The following POLR3G variants were observed in gnomAD, a reference collection of about 807,000 sequenced individuals.
POLR3G encodes the protein DNA-directed RNA polymerase III subunit RPC7.
In POLR3G, 28 loss-of-function variants were observed where a neutral mutation model predicts 30.1. That is an observed-to-expected ratio of 0.93 (90% CI 0.69 to 1.27). The LOEUF (loss-of-function observed/expected upper bound fraction) is 1.27, where lower values mean the gene tolerates loss of function less well. Among genes scored for constraint, POLR3G ranks in the 50% most tolerant of loss-of-function variants. The probability of loss-of-function intolerance (pLI) is 0.00; values close to 1 mark genes in which losing one functional copy is unlikely to be tolerated. For missense variants in POLR3G, 254 were observed against 264.6 expected (o/e 0.96, Z 0.28); for synonymous variants, 79 against 82.5 (o/e 0.96, Z 0.23).
chr5:90,487,926 C>G (rs1751528512), intron 2 of POLR3G, 74 bp from the exon 3 acceptor site: 1 of 1,274,394 alleles, frequency 7.8e-7, no homozygotes, highest in African/African-American at 1.5e-5. Context: ...CTGCTGTTTT[C>G]TATAATACAG....
chr5:90,474,266 G>C (rs767214645), upstream of POLR3G: 2 of 1,613,378 alleles, frequency 1.2e-6, no homozygotes, highest in Admixed American at 1.7e-5. Flanking sequence ...CTAGAGACTT[G>C]TGGGCGTACC....
rs986729960 is a variant in POLR3G at position 90,485,560 on chromosome 5, T to C, written c.-8T>C. 9 of 1,603,154 alleles carry C rather than the reference T, an allele frequency of 5.6e-6. No individual in the cohort carries two copies. The highest frequency in any genetic ancestry group is 7.7e-6 in the Non-Finnish European group (9 of 1,171,640). On this transcript the variant is annotated 5_prime_UTR_variant, in exon 2 of 8. Transcript: ENST00000651687. ...AATTTGCCCACTCATCTGGTATAAC[T>C]GGTTCTGATGGCTGGGAATAAAGGA...
chr5:90,510,688 A>C (rs1300004693), intron 7 of POLR3G, among the ~76,000 whole-genome samples: 1 of 152,162 alleles, frequency 6.6e-6, no homozygotes, highest in East Asian at 1.9e-4. Context: ...TTTTTTTGGC[A>C]CCAGAAAAGC....
chr5:90,486,864 A>G (rs250376), intron 2 of POLR3G, among the ~76,000 whole-genome samples: 39,317 of 152,050 alleles, frequency 0.26, 6,058 homozygotes, highest in African/African-American at 0.44. Flanking sequence ...ACTTTGACTT[A>G]TTTATCATGG....
intron 1 of POLR3G, among the ~76,000 whole-genome samples, chr5:90,478,547 G>A (rs569139843): frequency 9.7e-5 from 14 of 144,978 alleles, no homozygotes; most frequent in African/African-American, 3.6e-4. Context: ...TCTGTAAAAT[G>A]GGAGGTTTAA....
intron 1 of POLR3G, among the ~76,000 whole-genome samples, chr5:90,479,805 G>C (rs1459404736): frequency 1.3e-5 from 2 of 152,132 alleles, no homozygotes; most frequent in East Asian, 3.9e-4. Context: ...AGAATAGGGT[G>C]CAACCATCTT....
intron 5 of POLR3G, among the ~76,000 whole-genome samples, chr5:90,499,786 G>A (rs1166714443): frequency 6.6e-6 from 1 of 151,956 alleles, no homozygotes; most frequent in Non-Finnish European, 1.5e-5. Flanking sequence ...GTGTATTTAA[G>A]GCAGAGTATT....
upstream of POLR3G, chr5:90,474,850 A>C (rs997419109): frequency 6.2e-6 from 1 of 160,672 alleles, no homozygotes; most frequent in Non-Finnish European, 1.3e-5. Context: ...GGGCGGGGCT[A>C]GTTGGTAGGG....
At chr5:90,505,691 C>A (rs1316054712) in intron 6 of POLR3G, among the ~76,000 whole-genome samples, 1 of 152,018 alleles carries the variant, frequency 6.6e-6, no homozygotes, top group Non-Finnish European at 1.5e-5. Flanking sequence ...AACAAGAATT[C>A]CTGGCAACAG....
upstream of POLR3G, chr5:90,474,088 T>G (rs1750641823): frequency 1.9e-6 from 3 of 1,574,940 alleles, 1 homozygote; most frequent in South Asian, 1.2e-5. Flanking sequence ...GCGTCCTCTT[T>G]GGCCTCTCGG....
rs1486913662 is a variant in POLR3G, at chr5:90,512,297, A to G, written c.*158A>G. The G allele has an allele frequency of 1.6e-5, 9 of 567,184 alleles. No homozygotes were observed. Among genetic ancestry groups the G allele is most frequent in the Non-Finnish European group, 2.9e-5 (9 of 309,046 alleles). 35.1% of individuals were successfully genotyped at this position (567,184 alleles called of 1,614,324 possible). ...ATTCAAAACCACTTTGAGTTTACAT[A>G]CTAGTTACCTTAAAAATTATTCCCT... On this transcript the variant is annotated 3_prime_UTR_variant, in exon 8 of 8. Coordinates refer to ENST00000651687, the MANE Select transcript of POLR3G (RefSeq NM_006467.3).
chr5:90,477,690 C>G (rs1354076440), intron 1 of POLR3G, among the ~76,000 whole-genome samples: 1 of 152,142 alleles, frequency 6.6e-6, no homozygotes, highest in African/African-American at 2.4e-5. Context: ...ATGGAGCTGA[C>G]GTTGTTACTG....
chr5:90,491,872 A>G (rs992967266), intron 3 of POLR3G, among the ~76,000 whole-genome samples: 1 of 152,224 alleles, frequency 6.6e-6, no homozygotes, highest in African/African-American at 2.4e-5. Flanking sequence ...CAAATAAATT[A>G]TCACTATTAT....
At chr5:90,474,049 T>C (rs777298021), upstream of POLR3G, 1 of 1,588,256 alleles carries the variant, frequency 6.3e-7, no homozygotes, top group South Asian at 1.1e-5. Flanking sequence ...TGCACGTGGG[T>C]GGCCACGGCA....
chr5:90,495,882 T>A (rs1392117424), intron 4 of POLR3G, 149 bp downstream of exon 4: 1 of 1,104,858 alleles, frequency 9.1e-7, no homozygotes, highest in Non-Finnish European at 1.2e-6. Context: ...TGTTAGAAAC[T>A]AAGGTGAAAA....
chr5:90,495,993 A>G (rs1751966699), intron 4 of POLR3G, among the ~76,000 whole-genome samples: 1 of 151,696 alleles, frequency 6.6e-6, no homozygotes, highest in Admixed American at 6.6e-5. Flanking sequence ...TTTTTTTGAG[A>G]TGGAGTCTTG....
In POLR3G at chr5:90,497,646, T is replaced by G; in HGVS notation, c.305-10T>G. ...AAACTGCAATTTTTTATTTTTTATT[T>G]TATGTACAGATTGGAGAAGACTTCC... On this transcript the variant is annotated splice_polypyrimidine_tract_variant and intron_variant, in intron 4 of 7. Coordinates refer to ENST00000651687, the MANE Select transcript of POLR3G (RefSeq NM_006467.3). 6.3e-7 allele frequency: 1 copy of G among 1,587,276 alleles called. No individual in the cohort carries two copies. Among genetic ancestry groups the G allele is most frequent in the Non-Finnish European group, 8.5e-7 (1 of 1,170,934 alleles).
intron 5 of POLR3G, among the ~76,000 whole-genome samples, chr5:90,501,429 A>G (rs1194802248): frequency 6.6e-6 from 1 of 152,186 alleles, no homozygotes; most frequent in African/African-American, 2.4e-5. Flanking sequence ...ACAAATCTGT[A>G]GTTGACTTTA....
chr5:90,502,800 C>CCT (rs1752310693), intron 6 of POLR3G, among the ~76,000 whole-genome samples: 1 of 71,652 alleles, frequency 1.4e-5, no homozygotes, highest in African/African-American at 7.3e-5. Context: ...GTTACCTCAT[C>CCT]CTTCTTTTTT....
Sources: gnomAD v4.1 joint callset for allele counts (sites outside exome capture counted in the v4.1 genomes callset) on GRCh38, gnomAD v4.1.1 for gene constraint, MANE v1.5 for transcripts, NCBI Gene and HGNC (gene_info 2026-07-23, HGNC 2026-07-21) for gene names.